The following PTPRD variants were observed in gnomAD, a reference collection of about 807,000 sequenced individuals.
The protein encoded by PTPRD is receptor-type tyrosine-protein phosphatase delta.
A neutral mutation model predicts 214.5 loss-of-function variants in PTPRD; 34 were observed. That is an observed-to-expected ratio of 0.16 (90% CI 0.12 to 0.21). PTPRD has a LOEUF of 0.21. Among genes scored for constraint, PTPRD ranks in the 10% least tolerant of loss-of-function variants. The pLI is 1.00. For synonymous variants in PTPRD, 1,128 were observed against 845.7 expected, an observed-to-expected ratio of 1.33 and a Z score of -5.79; for missense variants, 2,545 against 2,398.7, an observed-to-expected ratio of 1.06 and a Z score of -1.27.
chr9:9,575,611 T>A (rs1268464655), intron 7 of PTPRD, among the ~76,000 whole-genome samples: 1 of 148,666 alleles, frequency 6.7e-6, no homozygotes, highest in Non-Finnish European at 1.5e-5. Flanking sequence ...TCCCAGCTAC[T>A]CAGGAGGCTG....
chr9:9,439,118 A>G (rs1287941338), intron 8 of PTPRD, among the ~76,000 whole-genome samples: 1 of 152,192 alleles, frequency 6.6e-6, no homozygotes. Flanking sequence ...ATAAAGTAGC[A>G]TTAAAATATA....
At chr9:9,454,844 T>C (rs1227265468) in intron 8 of PTPRD, among the ~76,000 whole-genome samples, 1 of 151,226 alleles carries the variant, frequency 6.6e-6, no homozygotes, top group Non-Finnish European at 1.5e-5. Flanking sequence ...TATACATATA[T>C]ATATACACAT....
intron 3 of PTPRD, among the ~76,000 whole-genome samples, chr9:10,044,818 A>T (rs935350648): frequency 1.3e-5 from 2 of 151,684 alleles, no homozygotes; most frequent in African/African-American, 4.8e-5. Context: ...TTGCAACTTC[A>T]TTGGAATAGA....
chr9:9,137,861 A>G (rs942980064), intron 10 of PTPRD, among the ~76,000 whole-genome samples: 1 of 152,166 alleles, frequency 6.6e-6, no homozygotes, highest in Non-Finnish European at 1.5e-5. Flanking sequence ...TCCAGACCCA[A>G]TTCAGGTCTA....
chr9:8,441,846 C>T (rs1415855269), intron 34 of PTPRD, among the ~76,000 whole-genome samples: 2 of 152,290 alleles, frequency 1.3e-5, no homozygotes, highest in Admixed American at 1.3e-4. Context: ...CATGAGGAAT[C>T]TGATCCCATA....
At chr9:10,453,988 A>C (rs546425556) in intron 2 of PTPRD, among the ~76,000 whole-genome samples, 7 of 151,694 alleles carry the variant, frequency 4.6e-5, no homozygotes, top group African/African-American at 1.7e-4. Flanking sequence ...GCTGGTATTT[A>C]AAGTTCTTTT....
intron 10 of PTPRD, among the ~76,000 whole-genome samples, chr9:9,177,591 C>T (rs897013044): frequency 6.6e-6 from 1 of 151,946 alleles, no homozygotes; most frequent in Non-Finnish European, 1.5e-5. Context: ...ATGATTATGT[C>T]TAATGCTTGA....
chr9:9,987,072 G>C (rs1161302293), intron 4 of PTPRD, among the ~76,000 whole-genome samples: 3 of 152,096 alleles, frequency 2.0e-5, no homozygotes, highest in Non-Finnish European at 4.4e-5. Context: ...GAGAGAGCTT[G>C]ACTGGGGAGG....
intron 4 of PTPRD, among the ~76,000 whole-genome samples, chr9:10,002,790 GA>G (rs1393724752): frequency 6.7e-6 from 1 of 149,654 alleles, no homozygotes; most frequent in Non-Finnish European, 1.5e-5. Context: ...AAAAGTAGAT[GA>G]TAAAAAAAAA....
chr9:9,120,539 T>A (rs992363916), intron 10 of PTPRD, among the ~76,000 whole-genome samples: 5 of 152,202 alleles, frequency 3.3e-5, no homozygotes, highest in Non-Finnish European at 7.3e-5. Context: ...AAAAGCTACC[T>A]CTTTAGATTT....
chr9:8,420,371 T>TA (rs1356899397), intron 35 of PTPRD, among the ~76,000 whole-genome samples: 95 of 152,294 alleles, frequency 6.2e-4, no homozygotes, highest in African/African-American at 2.2e-3. Context: ...GTTTCTTAGG[T>TA]AGCTAAAATT....
intron 3 of PTPRD, among the ~76,000 whole-genome samples, chr9:10,292,257 C>A (rs1299889714): frequency 6.6e-6 from 1 of 152,016 alleles, no homozygotes; most frequent in Admixed American, 6.6e-5. Context: ...TCAGCACATC[C>A]TTCAGCTCCG....
intron 12 of PTPRD, among the ~76,000 whole-genome samples, chr9:8,693,456 T>G (rs2097849800): frequency 6.6e-6 from 1 of 152,312 alleles, no homozygotes; most frequent in Admixed American, 6.5e-5. Flanking sequence ...ATATAGGCAT[T>G]AAGGTGCTTA....
rs1439273265 is a variant in PTPRD at position 9,042,725 on chromosome 9, GA to G, written c.-142-23991del. ...TGGCAGACATAATCCATTTTCTACT[GA>G]CCATATTCTAAAGAAGTTGAAAATG... On this transcript the variant is annotated intron_variant, in intron 10 of 45. Transcript: ENST00000381196. Among the ~76,000 whole-genome samples, 7 of 145,874 alleles carry G rather than the reference GA, an allele frequency of 4.8e-5. No homozygotes were observed. The Admixed American group carries it at 5.0e-4, about 10-fold the overall frequency.
In PTPRD at chr9:8,772,555, A is replaced by G. The variant is rs2095277593; in HGVS notation, c.-103-38609T>C. On this transcript the variant is annotated intron_variant, in intron 11 of 45. Coordinates refer to ENST00000381196, the MANE Select transcript of PTPRD (RefSeq NM_002839.4). Reference sequence around the variant, plus strand: ...TCCCAGCTACTCAGGAGGCAGGAGGATCACTTGAGCCCAGGAGTTTGAGGA... The same window carrying G: ...TCCCAGCTACTCAGGAGGCAGGAGGGTCACTTGAGCCCAGGAGTTTGAGGA... Among the ~76,000 whole-genome samples the G allele has an allele frequency of 2.0e-5, 3 of 152,088 alleles. No individual in the cohort carries two copies. In the South Asian group the frequency reaches 6.2e-4, roughly 32 times the overall value.
At chr9:9,775,440 T>C (rs990161892) in intron 5 of PTPRD, among the ~76,000 whole-genome samples, 1 of 152,130 alleles carries the variant, frequency 6.6e-6, no homozygotes, top group African/African-American at 2.4e-5. Context: ...ATTTCCCTCA[T>C]CATAGAATAA....
intron 9 of PTPRD, among the ~76,000 whole-genome samples, chr9:9,358,246 T>C (rs1454764758): frequency 6.6e-6 from 1 of 151,322 alleles, no homozygotes; most frequent in Non-Finnish European, 1.5e-5. Flanking sequence ...TTGCCTGTTG[T>C]CTATTTAAAA....
At chr9:10,230,436 G>GTATCTATCTATCTATCTATC (rs59835845) in intron 3 of PTPRD, among the ~76,000 whole-genome samples, 12 of 140,740 alleles carry the variant, frequency 8.5e-5, no homozygotes, top group East Asian at 2.0e-4. Context: ...ATGTATCTAT[G>GTATCTATCTATCTATCTATC]TATCTATCTA....
chr9:10,590,562 A>G (rs2075175702), intron 2 of PTPRD, among the ~76,000 whole-genome samples: 1 of 152,058 alleles, frequency 6.6e-6, no homozygotes, highest in Non-Finnish European at 1.5e-5. Context: ...TAATAAAAGC[A>G]TACTGTATAT....
Sources: allele counts gnomAD v4.1 joint callset (sites outside exome capture counted in the v4.1 genomes callset), GRCh38; gene constraint gnomAD v4.1.1; transcripts MANE v1.5; gene names NCBI Gene and HGNC (gene_info 2026-07-23, HGNC 2026-07-21).